The following STX1B variants were observed in gnomAD, a reference collection of about 807,000 sequenced individuals.
STX1B encodes syntaxin-1B.
A neutral mutation model predicts 39.4 loss-of-function variants in STX1B; 7 were observed. The observed-to-expected ratio is 0.18, with a 90% CI of 0.10 to 0.33. STX1B has a LOEUF of 0.33. Ranked by LOEUF, STX1B falls within the 10% of genes least tolerant of loss-of-function variation. The probability of loss-of-function intolerance (pLI) is 1.00; values close to 1 mark genes in which losing one functional copy is unlikely to be tolerated. For missense variants in STX1B, 198 were observed against 383.2 expected (o/e 0.52, Z 4.04); for synonymous variants, 136 against 144.1 (o/e 0.94, Z 0.40).
intron 1 of STX1B, among the ~76,000 whole-genome samples, chr16:31,007,720 C>T (rs901000215): frequency 6.6e-6 from 1 of 152,152 alleles, no homozygotes; most frequent in African/African-American, 2.4e-5. Flanking sequence ...TCCTGCCCAT[C>T]GCAGGGGGCT....
chr16:31,007,266 G>A (rs1166410640), intron 1 of STX1B, among the ~76,000 whole-genome samples: 1 of 152,086 alleles, frequency 6.6e-6, no homozygotes, highest in Non-Finnish European at 1.5e-5. Context: ...GGCCTTTGGG[G>A]CACGGGGCGG....
At chr16:31,000,800 T>C in intron 4 of STX1B, 128 bp downstream of exon 4, 1 of 909,060 alleles carries the variant, frequency 1.1e-6, no homozygotes. Flanking sequence ...AGTTTTGCCA[T>C]GTTGCCCAGG....
intron 7 of STX1B, among the ~76,000 whole-genome samples, chr16:30,993,968 A>C (rs1357717778): frequency 6.6e-6 from 1 of 151,092 alleles, no homozygotes; most frequent in Non-Finnish European, 1.5e-5. Context: ...CCTGGGCAAC[A>C]AGAGTGAAAT....
chr16:30,992,448 CA>C lies in STX1B; in HGVS notation c.*372del, dbSNP rs2056564575. On this transcript the variant is annotated 3_prime_UTR_variant, in exon 10 of 10. Transcript: ENST00000215095. The stretch of plus-strand genomic sequence containing the variant: ...GTGTTACACTTGGCTGCAGTCTACA[CA>C]ACAGCCCCGGTGAAGGGGGAAGCTC... 4.1e-6 allele frequency: 1 copy of C among 244,116 alleles called. No individual in the cohort carries two copies. The highest frequency in any genetic ancestry group is 8.1e-6 in the Non-Finnish European group (1 of 124,210). 15.1% of individuals were successfully genotyped at this position (244,116 alleles called of 1,614,324 possible). A position where few individuals can be genotyped will look rare whatever the true frequency, so the allele number is the denominator to read the frequency against.
At chr16:30,994,601 A>G (rs1286115908) in intron 7 of STX1B, among the ~76,000 whole-genome samples, 2 of 136,652 alleles carry the variant, frequency 1.5e-5, no homozygotes, top group Admixed American at 1.5e-4. Flanking sequence ...AAAAAAAAAA[A>G]AAGAAAGCCA....
chr16:30,996,996 A>G lies in STX1B; in HGVS notation c.418T>C (p.Tyr140His). 6.2e-7 allele frequency: 1 copy of G among 1,612,738 alleles called. No individual in the cohort carries two copies. The highest frequency in any genetic ancestry group is 1.1e-5 in the South Asian group (1 of 91,026). The change falls in exon 6 of 10, where the codon TAC (tyrosine) becomes CAC (histidine). Residue 140 changes from tyrosine to histidine, a missense_variant. Physicochemically the swap from Tyr to His is moderately conservative, Grantham distance 83. Coordinates refer to ENST00000215095, the MANE Select transcript of STX1B (RefSeq NM_052874.5). ...MTEYNATQSKYRDRCKDRIQR... is the reference protein window; with the variant it reads ...MTEYNATQSKHRDRCKDRIQR... ...ATCCGGTCCTTGCAGCGGTCCCGGT[A>G]CTTGGACTGGGTCGCGTTATATTCG...
At position 31,010,515 on chromosome 16, in the gene STX1B, G is replaced by T. The variant is rs1469236569; in HGVS notation, c.-119C>A. 4 of 511,570 alleles carry T rather than the reference G, an allele frequency of 7.8e-6. No homozygotes were observed. In the African/African-American group the frequency reaches 8.4e-5, roughly 11 times the overall value. The allele number at this position is 511,570 out of a possible 1,614,324, so 31.7% of individuals were successfully genotyped here. ...GCCGGGGGGCGCCGCGGCCGCTGCG[G>T]GGGGCCTGCGGGCGGGGGCGGGGCC... On this transcript the variant is annotated 5_prime_UTR_variant, in exon 1 of 10. Transcript: ENST00000215095.
At position 30,989,506 on chromosome 16, in the gene STX1B, C is replaced by T. The variant is rs2056536358; in HGVS notation, c.*3315G>A. On this transcript the variant is annotated 3_prime_UTR_variant, in exon 10 of 10. Transcript: ENST00000215095. ...CAGCCAGGCCCCAGGAGTCCTGTCCCCTCTGAGAAGGGGAGGGAGAGAGCT... is the reference window on the plus strand; with the variant it reads ...CAGCCAGGCCCCAGGAGTCCTGTCCTCTCTGAGAAGGGGAGGGAGAGAGCT... The T allele has an allele frequency of 1.3e-5, 2 of 152,338 alleles. No homozygotes were observed. The highest frequency in any genetic ancestry group is 4.1e-4 in the South Asian group (2 of 4,824). 9.4% of individuals were successfully genotyped at this position (152,338 alleles called of 1,614,324 possible). A position where few individuals can be genotyped will look rare whatever the true frequency, so the allele number is the denominator to read the frequency against.
chr16:30,994,477 C>T (rs1352345164), intron 7 of STX1B, among the ~76,000 whole-genome samples: 1 of 149,364 alleles, frequency 6.7e-6, no homozygotes, highest in East Asian at 2.0e-4. Context: ...GTGGTCCCAG[C>T]TACTCAGGAA....
At chr16:31,003,823 A>G (rs1266816411) in intron 1 of STX1B, among the ~76,000 whole-genome samples, 2 of 152,182 alleles carry the variant, frequency 1.3e-5, no homozygotes, top group Non-Finnish European at 2.9e-5. Flanking sequence ...ACACTTTTAC[A>G]TCCATAATCC....
chr16:30,996,429 A>C, intron 7 of STX1B: 1 of 419,222 alleles, frequency 2.4e-6, no homozygotes, highest in Non-Finnish European at 4.3e-6. Flanking sequence ...CTCGAAGGGG[A>C]TGTGTGAGTA....
At chr16:30,993,282 G>T in intron 8 of STX1B, 42 bp from the exon 9 acceptor site, 2 of 1,613,566 alleles carry the variant, frequency 1.2e-6, no homozygotes, top group Non-Finnish European at 1.7e-6. Flanking sequence ...ATGGGGGCTG[G>T]GCTGGAAGAG....
chr16:31,005,470 CTTT>C (rs35407745), intron 1 of STX1B, among the ~76,000 whole-genome samples: 1 of 113,722 alleles, frequency 8.8e-6, no homozygotes, highest in Non-Finnish European at 1.7e-5. Flanking sequence ...TTTCTTTTTC[CTTT>C]TTTTTTTTTT....
At position 30,992,793 on chromosome 16, in the gene STX1B, G is replaced by A. The variant is rs750882026; in HGVS notation, c.*28C>T. ...TTGCTCCCGATGTGGTGGGGGAAGG[G>A]TCTGGGAGAGAGAAGGGTGGGGGGG... is the stretch of plus-strand genomic sequence containing the variant. On this transcript the variant is annotated 3_prime_UTR_variant, in exon 10 of 10. Transcript: ENST00000215095. 2 of 1,477,112 alleles carry A rather than the reference G, an allele frequency of 1.4e-6. No homozygotes were observed. Among genetic ancestry groups the A allele is most frequent in the Non-Finnish European group, 1.9e-6 (2 of 1,061,950 alleles). The allele number at this position is 1,477,112 out of a possible 1,614,324, so 91.5% of individuals were successfully genotyped here.
rs1225387785 is a variant in STX1B, at chr16:30,989,302, C to T, written c.*3519G>A. 6.6e-6 allele frequency: 1 copy of T among 152,272 alleles called. No homozygotes were observed. Among genetic ancestry groups the T allele is most frequent in the African/African-American group, 2.4e-5 (1 of 41,446 alleles). The allele number at this position is 152,272 out of a possible 1,614,324, so 9.4% of individuals were successfully genotyped here. A position where few individuals can be genotyped will look rare whatever the true frequency, so the allele number is the denominator to read the frequency against. On this transcript the variant is annotated 3_prime_UTR_variant, in exon 10 of 10. Coordinates refer to ENST00000215095, the MANE Select transcript of STX1B (RefSeq NM_052874.5). The stretch of plus-strand genomic sequence containing the variant: ...ATTTCTCCCGTCCCACAGGGCCTGA[C>T]CTGGCCCAGGGTGGGGTGGGGGGCT...
chr16:31,004,926 C>T (rs1462889594), intron 1 of STX1B, among the ~76,000 whole-genome samples: 2 of 152,230 alleles, frequency 1.3e-5, no homozygotes, highest in Non-Finnish European at 2.9e-5. Context: ...TCCCTTCTGT[C>T]CTGCTGACAG....
In STX1B at chr16:30,992,583, G is replaced by A; in HGVS notation, c.*238C>T. 1 of 495,322 alleles carries A rather than the reference G, an allele frequency of 2.0e-6. No individual in the cohort carries two copies. 30.7% of individuals were successfully genotyped at this position (495,322 alleles called of 1,614,324 possible). ...GTCCACACGTCTCGAGCATGTGCCG[G>A]CGGCATGCATGTTGGTGTGCATGTG... On this transcript the variant is annotated 3_prime_UTR_variant, in exon 10 of 10. Transcript: ENST00000215095.
At position 31,001,338 on chromosome 16, in the gene STX1B, G is replaced by C; in HGVS notation, c.106-145C>G. The C allele has an allele frequency of 1.1e-6, 1 of 905,572 alleles. No homozygotes were observed. The highest frequency in any genetic ancestry group is 2.1e-5 in the Admixed American group (1 of 47,702). The allele number at this position is 905,572 out of a possible 1,614,324, so 56.1% of individuals were successfully genotyped here. A position where few individuals can be genotyped will look rare whatever the true frequency, so the allele number is the denominator to read the frequency against. On this transcript the variant is annotated intron_variant, in intron 2 of 9. Coordinates refer to ENST00000215095, the MANE Select transcript of STX1B (RefSeq NM_052874.5). This position sits in a 1 kb window ranked among gnomAD's most constrained non-coding sequence, Gnocchi z 5.5. Reference sequence around the variant, plus strand: ...AGGGTGCAGGAGCAGGGAAGTGGGGGACAGGGAAAAGGAAGTTGTCGGTGG... The same window carrying C: ...AGGGTGCAGGAGCAGGGAAGTGGGGCACAGGGAAAAGGAAGTTGTCGGTGG...
intron 1 of STX1B, among the ~76,000 whole-genome samples, chr16:31,004,089 C>T (rs1411242137): frequency 6.6e-6 from 1 of 152,216 alleles, no homozygotes; most frequent in Non-Finnish European, 1.5e-5. Flanking sequence ...CCTGCTAAGT[C>T]CCAATCTGGG....
Sources: gnomAD v4.1 joint callset for allele counts (sites outside exome capture counted in the v4.1 genomes callset) on GRCh38, gnomAD v4.1.1 for gene constraint, Gnocchi (gnomAD v3.1) non-coding constraint, MANE v1.5 for transcripts, NCBI Gene and HGNC (gene_info 2026-07-23, HGNC 2026-07-21) for gene names.